Variants in AGPAT4 observed in about 807,000 individuals in gnomAD.
AGPAT4 encodes 1-acylglycerol-3-phosphate O-acyltransferase 4.
In AGPAT4, 15 loss-of-function variants were observed where a neutral mutation model predicts 48.0. The observed-to-expected ratio is 0.31, with a 90% CI of 0.21 to 0.48. The LOEUF is 0.48. Among genes scored for constraint, AGPAT4 ranks in the 20% least tolerant of loss-of-function variants. AGPAT4 has a pLI of 0.99. For missense variants in AGPAT4, 314 were observed against 482.5 expected (o/e 0.65, Z 3.27); for synonymous variants, 178 against 198.7 (o/e 0.90, Z 0.88).
intron 1 of AGPAT4, among the ~76,000 whole-genome samples, chr6:161,248,119 C>A (rs1373042818): frequency 6.6e-6 from 1 of 151,784 alleles, no homozygotes; most frequent in Non-Finnish European, 1.5e-5. Context: ...GCTAGAAAAC[C>A]CCAGTCTCAG....
In AGPAT4 at chr6:161,166,653, T is replaced by C. The variant is rs1467288505; in HGVS notation, c.179-236A>G. Among the ~76,000 whole-genome samples the C allele has an allele frequency of 3.9e-5, 6 of 152,124 alleles. No homozygotes were observed. ...GAGAAGGATACTTGGAGAAGGTAAA[T>C]GACTTACTCCTTGATTAAGTATCTT... On this transcript the variant is annotated intron_variant, in intron 2 of 8. Transcript: ENST00000320285. This position sits in a 1 kb window ranked among gnomAD's most constrained non-coding sequence, Gnocchi z 6.7.
rs1318003598 is a variant in AGPAT4 at position 161,133,495 on chromosome 6, T to C, written c.*3045A>G. 6.6e-6 allele frequency: 1 copy of C among 152,196 alleles called. No homozygotes were observed. Among genetic ancestry groups the C allele is most frequent in the East Asian group, 1.9e-4 (1 of 5,192 alleles). 9.4% of individuals were successfully genotyped at this position (152,196 alleles called of 1,614,324 possible). ...TAGACTAACTCACAGAGTGCCTTACTTCTTCCTCCCGATTAATCGTGTTCA... is the reference window on the plus strand; with the variant it reads ...TAGACTAACTCACAGAGTGCCTTACCTCTTCCTCCCGATTAATCGTGTTCA... On this transcript the variant is annotated 3_prime_UTR_variant, in exon 9 of 9. Transcript: ENST00000320285.
At position 161,130,819 on chromosome 6, in the gene AGPAT4, T is replaced by C. The variant is rs1262595407; in HGVS notation, c.*5721A>G. The stretch of plus-strand genomic sequence containing the variant: ...CTGCAGCGTTGTGACTTAGACACTT[T>C]ACAAGTCTGAGCCATCCCGTACTAG... On this transcript the variant is annotated 3_prime_UTR_variant, in exon 9 of 9. Transcript: ENST00000320285. 3 of 518,622 alleles carry C rather than the reference T, an allele frequency of 5.8e-6. No homozygotes were observed. Among genetic ancestry groups the C allele is most frequent in the South Asian group, 1.4e-5 (1 of 71,554 alleles). 32.1% of individuals were successfully genotyped at this position (518,622 alleles called of 1,614,324 possible). A position where few individuals can be genotyped will look rare whatever the true frequency, so the allele number is the denominator to read the frequency against.
Position 161,225,520 on chromosome 6 carries a change from C to G in AGPAT4, c.178+6516G>C, listed in dbSNP as rs1026114623. Among the ~76,000 whole-genome samples, 2 of 152,144 alleles carry G rather than the reference C, an allele frequency of 1.3e-5. No individual in the cohort carries two copies. The highest frequency in any genetic ancestry group is 4.8e-5 in the African/African-American group (2 of 41,420). ...ACCGAAACTTTATTTATAACAATTCCCTGTCACTTCCTGAGGTCTCCCAGG... is the reference window on the plus strand; with the variant it reads ...ACCGAAACTTTATTTATAACAATTCGCTGTCACTTCCTGAGGTCTCCCAGG... On this transcript the variant is annotated intron_variant, in intron 2 of 8. Coordinates refer to ENST00000320285, the MANE Select transcript of AGPAT4 (RefSeq NM_020133.3). This position sits in a 1 kb window ranked among gnomAD's most constrained non-coding sequence, Gnocchi z 5.0.
Position 161,217,359 on chromosome 6 carries a change from C to T in AGPAT4, c.178+14677G>A, listed in dbSNP as rs193193289. 1.3e-5 allele frequency among the ~76,000 whole-genome samples: 2 copies of T among 152,256 alleles called. No individual in the cohort carries two copies. Among genetic ancestry groups the T allele is most frequent in the East Asian group, 3.9e-4 (2 of 5,170 alleles). On this transcript the variant is annotated intron_variant, in intron 2 of 8. Coordinates refer to ENST00000320285, the MANE Select transcript of AGPAT4 (RefSeq NM_020133.3). This position sits in a 1 kb window ranked among gnomAD's most constrained non-coding sequence, Gnocchi z 4.9. The stretch of plus-strand genomic sequence containing the variant: ...ATGAAAGGGCATCTCACTGTTTGAG[C>T]GTGCTTTAAAAAGCCTTATGGTGTG...
chr6:161,136,876 T>C (rs1334186254), intron 8 of AGPAT4, among the ~76,000 whole-genome samples: 1 of 152,070 alleles, frequency 6.6e-6, no homozygotes, highest in Non-Finnish European at 1.5e-5. Flanking sequence ...ACCCTGAAGG[T>C]GAATGATTTG....
rs150606465 is a variant in AGPAT4, at chr6:161,165,399, C to T, written c.348+849G>A. ...CCAATCTTCTATATTCTAAACACCACGATTTTGTCTTCAGGGGCTACCAAA... is the reference window on the plus strand; with the variant it reads ...CCAATCTTCTATATTCTAAACACCATGATTTTGTCTTCAGGGGCTACCAAA... On this transcript the variant is annotated intron_variant, in intron 3 of 8. Coordinates refer to ENST00000320285, the MANE Select transcript of AGPAT4 (RefSeq NM_020133.3). The surrounding 1 kb of genome is among the most constrained non-coding windows in gnomAD (Gnocchi z 5.5). 8.8e-4 allele frequency among the ~76,000 whole-genome samples: 134 copies of T among 152,284 alleles called. 1 individual carries two copies. Among genetic ancestry groups the T allele is most frequent in the Non-Finnish European group, 1.8e-3 (120 of 68,018 alleles).
intron 2 of AGPAT4, among the ~76,000 whole-genome samples, chr6:161,193,839 T>G (rs576070922): frequency 6.8e-6 from 1 of 146,090 alleles, no homozygotes; most frequent in Non-Finnish European, 1.5e-5. Flanking sequence ...TCTTGACAGC[T>G]CTTCGATACT....
chr6:161,190,081 G>A (rs1026638908), intron 2 of AGPAT4, among the ~76,000 whole-genome samples: 1 of 152,142 alleles, frequency 6.6e-6, no homozygotes, highest in Admixed American at 6.5e-5. Flanking sequence ...ATTTAGATGA[G>A]CTGTATCTGA....
chr6:161,185,952 T>C (rs184597910), intron 2 of AGPAT4, among the ~76,000 whole-genome samples: 1 of 152,338 alleles, frequency 6.6e-6, no homozygotes, highest in East Asian at 1.9e-4. Context: ...TTTGAAGCGA[T>C]TAAAAGGTCT....
At chr6:161,248,345 C>T (rs535432521) in intron 1 of AGPAT4, among the ~76,000 whole-genome samples, 5 of 152,112 alleles carry the variant, frequency 3.3e-5, no homozygotes, top group South Asian at 2.1e-4. Context: ...GAGGCCGAGA[C>T]GGGCGGATCA....
chr6:161,140,138 G>C lies in AGPAT4; in HGVS notation c.844-518C>G, dbSNP rs1043413582. Among the ~76,000 whole-genome samples the C allele has an allele frequency of 6.6e-6, 1 of 152,190 alleles. No homozygotes were observed. The highest frequency in any genetic ancestry group is 1.5e-5 in the Non-Finnish European group (1 of 68,030). On this transcript the variant is annotated intron_variant, in intron 7 of 8. Coordinates refer to ENST00000320285, the MANE Select transcript of AGPAT4 (RefSeq NM_020133.3). This position sits in a 1 kb window ranked among gnomAD's most constrained non-coding sequence, Gnocchi z 6.5. ...CCGGCCTCCACAGCCAGTTCACCTC[G>C]GGCAGCCCACCCGCACCTACCACCC... is the stretch of plus-strand genomic sequence containing the variant.
In AGPAT4 at chr6:161,223,769, T is replaced by G. The variant is rs1781894143; in HGVS notation, c.178+8267A>C. The stretch of plus-strand genomic sequence containing the variant: ...TGGCTCCTCAAATGCAGGGCAGGGC[T>G]GGGTTGTGCCAAAGTGAAAGGCTCT... On this transcript the variant is annotated intron_variant, in intron 2 of 8. Transcript: ENST00000320285. This position sits in a 1 kb window ranked among gnomAD's most constrained non-coding sequence, Gnocchi z 6.3. Among the ~76,000 whole-genome samples, 1 of 152,170 alleles carries G rather than the reference T, an allele frequency of 6.6e-6. No individual in the cohort carries two copies. Among genetic ancestry groups the G allele is most frequent in the Non-Finnish European group, 1.5e-5 (1 of 68,032 alleles).
intron 2 of AGPAT4, among the ~76,000 whole-genome samples, chr6:161,172,387 G>C (rs1454655844): frequency 6.6e-6 from 1 of 152,186 alleles, no homozygotes; most frequent in Non-Finnish European, 1.5e-5. Context: ...ACCCCATCCA[G>C]GCCTGGGGTA....
chr6:161,254,137 A>C lies in AGPAT4; in HGVS notation c.-90+19801T>G, dbSNP rs538953778. 6.6e-6 allele frequency among the ~76,000 whole-genome samples: 1 copy of C among 152,192 alleles called. No individual in the cohort carries two copies. Among genetic ancestry groups the C allele is most frequent in the Non-Finnish European group, 1.5e-5 (1 of 68,044 alleles). The stretch of plus-strand genomic sequence containing the variant: ...TCTAATTATTCTATCAAAAGTATTA[A>C]CCACTTGGTCAATATATTTAACTTT... On this transcript the variant is annotated intron_variant, in intron 1 of 8. Transcript: ENST00000320285. The surrounding 1 kb of genome is among the most constrained non-coding windows in gnomAD (Gnocchi z 5.9).
chr6:161,260,996 G>A (rs1783085382), intron 1 of AGPAT4, among the ~76,000 whole-genome samples: 1 of 152,252 alleles, frequency 6.6e-6, no homozygotes, highest in African/African-American at 2.4e-5. Context: ...ACTGAACCAC[G>A]TCTTCGCCTT....
chr6:161,207,488 T>C (rs1467382748), intron 2 of AGPAT4, among the ~76,000 whole-genome samples: 2 of 152,122 alleles, frequency 1.3e-5, no homozygotes, highest in Non-Finnish European at 2.9e-5. Flanking sequence ...AAAACAAGTG[T>C]AGTGCAAGGA....
intron 5 of AGPAT4, among the ~76,000 whole-genome samples, chr6:161,150,935 G>C (rs1470385138): frequency 6.6e-6 from 1 of 152,118 alleles, no homozygotes; most frequent in Non-Finnish European, 1.5e-5. Flanking sequence ...GTTCACACAG[G>C]GACCCATGCA....
At chr6:161,258,397 T>C (rs552652627) in intron 1 of AGPAT4, among the ~76,000 whole-genome samples, 1 of 152,336 alleles carries the variant, frequency 6.6e-6, no homozygotes, top group African/African-American at 2.4e-5. Flanking sequence ...TTTTAGACTT[T>C]TGTTTTGTAC....
Sources: allele counts gnomAD v4.1 joint callset (sites outside exome capture counted in the v4.1 genomes callset), GRCh38; gene constraint gnomAD v4.1.1; non-coding constraint Gnocchi (gnomAD v3.1); transcripts MANE v1.5; gene names NCBI Gene and HGNC (gene_info 2026-07-23, HGNC 2026-07-21).